GEMIN8: variants seen among roughly 807,000 people sequenced by gnomAD.
The protein encoded by GEMIN8 is gem-associated protein 8.
For missense variants in GEMIN8, 185 were observed against 205.9 expected (o/e 0.90, Z 0.62); for synonymous variants, 80 against 78.5 (o/e 1.02, Z -0.10).
At chrX:13,998,933 C>G in the GEMIN8 span, among the ~76,000 whole-genome samples, 872 of 112,094 alleles carry the variant, frequency 7.8e-3, 4 homozygotes, top group Non-Finnish European at 0.011. Context: ...TCTGGTGTCA[C>G]TGTCAGATTC....
At chrX:14,021,697 T>A (rs1049175118) in intron 2 of GEMIN8, among the ~76,000 whole-genome samples, 186 bp from the exon 3 acceptor site, 3 of 106,017 alleles carry the variant, frequency 2.8e-5, no homozygotes, top group Non-Finnish European at 5.8e-5. Flanking sequence ...AAAGGAGGGA[T>A]CCACTTAGGT....
chrX:14,001,356 A>G, the GEMIN8 span, among the ~76,000 whole-genome samples: 2 of 112,444 alleles, frequency 1.8e-5, no homozygotes, highest in Non-Finnish European at 3.8e-5. Context: ...ATTATACCTA[A>G]CAAAGTTAAT....
chrX:13,994,852 T>A, the GEMIN8 span, among the ~76,000 whole-genome samples: 4 of 112,447 alleles, frequency 3.6e-5, no homozygotes, highest in Admixed American at 1.9e-4. Flanking sequence ...GATTTCTGCA[T>A]GTATTAGTCA....
the GEMIN8 span, among the ~76,000 whole-genome samples, chrX:13,993,913 C>G: frequency 9.0e-6 from 1 of 111,453 alleles, no homozygotes; most frequent in African/African-American, 3.3e-5. Context: ...GAATCTCTGA[C>G]AGCAGGGCCC....
At chrX:14,025,547 G>A (rs1924642149) in intron 2 of GEMIN8, among the ~76,000 whole-genome samples, 1 of 111,251 alleles carries the variant, frequency 9.0e-6, no homozygotes, top group South Asian at 3.8e-4. Flanking sequence ...CGAACTTCAC[G>A]ATTCTCACAC....
At chrX:14,021,361 G>A (rs1924300533) in intron 3 of GEMIN8, 103 bp downstream of exon 3, 20 of 483,934 alleles carry the variant, frequency 4.1e-5, no homozygotes, top group Admixed American at 1.4e-4. Context: ...TAACCTGCCC[G>A]TTGTGCGCAT....
the GEMIN8 span, among the ~76,000 whole-genome samples, chrX:13,998,185 C>T: frequency 5.5e-5 from 6 of 108,382 alleles, no homozygotes; most frequent in Admixed American, 9.9e-5. Flanking sequence ...GGTGATTCTC[C>T]CACCTCAGTC....
At position 14,008,539 on chromosome X, in the gene GEMIN8, G is replaced by T. The variant is rs1186356471; in HGVS notation, c.*374C>A. The T allele has an allele frequency of 1.3e-5, 2 of 157,916 alleles. No individual in the cohort carries two copies. Among genetic ancestry groups the T allele is most frequent in the South Asian group, 2.1e-4 (1 of 4,840 alleles). The allele number at this position is 157,916 out of a possible 1,213,427, so 13.0% of individuals were successfully genotyped here. ...GAGCTAGAGTCAGAGAGGATATCTG[G>T]TTTTTTAAAGGCATTTGTGTAGTTC... On this transcript the variant is annotated 3_prime_UTR_variant, in exon 5 of 5. Coordinates refer to ENST00000680255, the MANE Select transcript of GEMIN8 (RefSeq NM_001042479.2).
At chrX:14,001,860 C>T (rs1247246415), downstream of GEMIN8, among the ~76,000 whole-genome samples, 2 of 105,223 alleles carry the variant, frequency 1.9e-5, no homozygotes, top group Admixed American at 2.0e-4. Flanking sequence ...TGGTGGCTCA[C>T]GCCTGTAATC....
chrX:14,022,056 A>G (rs781098937), intron 2 of GEMIN8, among the ~76,000 whole-genome samples: 6 of 101,654 alleles, frequency 5.9e-5, no homozygotes, highest in East Asian at 6.2e-4. Flanking sequence ...GTGTATATAT[A>G]TGTGTGTGTG....
the GEMIN8 span, chrX:13,988,655 G>A: frequency 2.9e-5 from 3 of 104,392 alleles, no homozygotes; most frequent in African/African-American, 1.1e-4. Flanking sequence ...GCAGGAAAGG[G>A]AGCTATTAAA....
chrX:14,008,652 A>G lies in GEMIN8; in HGVS notation c.*261T>C. On this transcript the variant is annotated 3_prime_UTR_variant, in exon 5 of 5. Coordinates refer to ENST00000680255, the MANE Select transcript of GEMIN8 (RefSeq NM_001042479.2). ...ACGTTAATGAATTGAACTGTTACCA[A>G]CAACATAAAAAACCAGTATAGTATA... The G allele has an allele frequency of 8.0e-6, 3 of 376,662 alleles. No individual in the cohort carries two copies. Among genetic ancestry groups the G allele is most frequent in the Non-Finnish European group, 9.1e-6 (2 of 218,585 alleles). 31.0% of individuals were successfully genotyped at this position (376,662 alleles called of 1,213,427 possible).
At position 14,016,573 on chromosome X, in the gene GEMIN8, C is replaced by T. The variant is rs778585876; in HGVS notation, c.472+3505G>A. Among the ~76,000 whole-genome samples, 34 of 109,399 alleles carry T rather than the reference C, an allele frequency of 3.1e-4. No homozygotes were observed. In the South Asian group the frequency reaches 0.012, roughly 40 times the overall value. The allele number at this position is 109,399 out of a possible 115,157, so 95.0% of individuals were successfully genotyped here. ...AAATATGCAGAATCTTAGCTGGGCG[C>T]GGTAGCTCATGCCTATAATCCAGCA... On this transcript the variant is annotated intron_variant, in intron 4 of 4. Transcript: ENST00000680255.
At chrX:13,995,740 C>T in the GEMIN8 span, among the ~76,000 whole-genome samples, 11 of 111,712 alleles carry the variant, frequency 9.8e-5, no homozygotes, top group Non-Finnish European at 1.5e-4. Context: ...TCTGACCCAC[C>T]TCCCTCCCTC....
the GEMIN8 span, among the ~76,000 whole-genome samples, chrX:14,000,140 T>TA: frequency 1.0e-4 from 11 of 107,120 alleles, no homozygotes; most frequent in South Asian, 4.2e-4. Context: ...CCCCATCTCT[T>TA]AAAAAAAAAT....
Position 14,007,694 on chromosome X carries a change from A to G in GEMIN8, c.*1219T>C, listed in dbSNP as rs1422603874. ...AGGTGCCCGCCACCACGCCCGGCTA[A>G]TTTTTTGTATTTTTAGTAGAGATGG... On this transcript the variant is annotated 3_prime_UTR_variant, in exon 5 of 5. Coordinates refer to ENST00000680255, the MANE Select transcript of GEMIN8 (RefSeq NM_001042479.2). 1.8e-5 allele frequency among the ~76,000 whole-genome samples: 2 copies of G among 108,532 alleles called. No homozygotes were observed. The highest frequency in any genetic ancestry group is 6.7e-5 in the African/African-American group (2 of 29,705). The allele number at this position is 108,532 out of a possible 115,157, so 94.2% of individuals were successfully genotyped here. A position where few individuals can be genotyped will look rare whatever the true frequency, so the allele number is the denominator to read the frequency against.
chrX:14,014,927 C>T (rs1419506828), intron 4 of GEMIN8, among the ~76,000 whole-genome samples: 2 of 111,656 alleles, frequency 1.8e-5, no homozygotes, highest in South Asian at 7.6e-4. Context: ...TTGACAGCTG[C>T]CCCGCGGTGC....
At chrX:13,991,050 C>T in the GEMIN8 span, among the ~76,000 whole-genome samples, 1 of 112,718 alleles carries the variant, frequency 8.9e-6, no homozygotes, top group Non-Finnish European at 1.9e-5. Flanking sequence ...GCTTTTTGCA[C>T]TTAAAAATAT....
chrX:14,011,183 G>A (rs1254363175), intron 4 of GEMIN8, among the ~76,000 whole-genome samples: 1 of 112,028 alleles, frequency 8.9e-6, no homozygotes, highest in Non-Finnish European at 1.9e-5. Context: ...GATTGAACCT[G>A]ACTTTGAAGG....
Sources: gnomAD v4.1 joint callset for allele counts (sites outside exome capture counted in the v4.1 genomes callset) on GRCh38, gnomAD v4.1.1 for gene constraint, MANE v1.5 for transcripts, NCBI Gene and HGNC (gene_info 2026-07-23, HGNC 2026-07-21) for gene names.